C5: variants seen among roughly 807,000 people sequenced by gnomAD.
C5 encodes the protein C3 and PZP-like alpha-2-macroglobulin domain-containing protein 4.
Under a neutral mutation model 218.8 loss-of-function variants are expected in C5, and 140 were observed. The ratio of observed to expected loss-of-function variants is 0.64; its 90% CI spans 0.56 to 0.74. C5 has a LOEUF of 0.74. C5 is among the 30% of genes least tolerant of loss of function. The pLI, the probability that C5 is intolerant of heterozygous loss-of-function variation, is 0.00. For synonymous variants in C5, 614 were observed against 682.3 expected, an observed-to-expected ratio of 0.90 and a Z score of 1.56; for missense variants, 1,700 against 1,969.6, an observed-to-expected ratio of 0.86 and a Z score of 2.59.
At chr9:120,993,871 G>C (rs1405782485) in intron 22 of C5, among the ~76,000 whole-genome samples, 3 of 152,204 alleles carry the variant, frequency 2.0e-5, no homozygotes, top group African/African-American at 7.2e-5. Flanking sequence ...AAACACATTT[G>C]AGTGGGTACA....
chr9:121,063,760 A>G, the C5 span, among the ~76,000 whole-genome samples: 1 of 152,220 alleles, frequency 6.6e-6, no homozygotes, highest in East Asian at 1.9e-4. Flanking sequence ...AGCAATATCC[A>G]GAAAGGTCAT....
chr9:121,037,984 G>C, intron 3 of C5, 33 bp from the exon 4 acceptor site: 1 of 987,216 alleles, frequency 1.0e-6, no homozygotes, highest in Non-Finnish European at 1.5e-6. Context: ...CAAAAACTCT[G>C]CTAAAAACAA....
chr9:121,030,444 G>T lies in C5; in HGVS notation c.711C>A (p.Phe237Leu). The T allele has an allele frequency of 1.3e-6, 2 of 1,545,574 alleles. No individual in the cohort carries two copies. Among genetic ancestry groups the T allele is most frequent in the Non-Finnish European group, 1.8e-6 (2 of 1,141,614 alleles). ...FSVSIEPEYN[F>L]IGYKNFKNFE... Reference sequence around the variant, plus strand: ...AATTCTTAAAGTTCTTGTAACCAATGAAATTATATTCTGGCTCGATTGAGA... The same window carrying T: ...AATTCTTAAAGTTCTTGTAACCAATTAAATTATATTCTGGCTCGATTGAGA... The change falls in exon 7 of 41, where the codon TTC becomes TTA. Residue 237 changes from phenylalanine (F) to leucine (L), a missense_variant. Transcript: ENST00000223642.
At chr9:121,008,561 T>G in intron 17 of C5, 63 bp from the exon 18 acceptor site, 1 of 1,162,280 alleles carries the variant, frequency 8.6e-7, no homozygotes, top group Non-Finnish European at 1.3e-6. Context: ...TAGGTGAATT[T>G]TAAAATATGG....
intron 27 of C5, 51 bp downstream of exon 27, chr9:120,981,793 T>C (rs751578099): frequency 1.8e-5 from 22 of 1,223,740 alleles, no homozygotes; most frequent in Non-Finnish European, 2.4e-5. Flanking sequence ...CCCTCCAGTA[T>C]ATAGTACAGA....
At chr9:121,070,763 A>T in the C5 span, among the ~76,000 whole-genome samples, 1 of 152,000 alleles carries the variant, frequency 6.6e-6, no homozygotes, top group Non-Finnish European at 1.5e-5. Context: ...AGATATCTTA[A>T]AGGATACAAA....
the C5 span, among the ~76,000 whole-genome samples, chr9:121,071,181 G>A: frequency 2.0e-5 from 3 of 151,928 alleles, no homozygotes; most frequent in Admixed American, 6.6e-5. Flanking sequence ...ATAGCTGGGC[G>A]TGGAGTCACA....
At chr9:121,057,052 C>T in the C5 span, among the ~76,000 whole-genome samples, 1 of 152,126 alleles carries the variant, frequency 6.6e-6, no homozygotes, top group Admixed American at 6.5e-5. Context: ...TTAGCAGAAA[C>T]TTTACAGGCT....
At chr9:121,073,954 A>AGTGAAG in the C5 span, among the ~76,000 whole-genome samples, 1 of 152,154 alleles carries the variant, frequency 6.6e-6, no homozygotes, top group African/African-American at 2.4e-5. Flanking sequence ...TAAACTCTGT[A>AGTGAAG]GTGAAGAAAG....
intron 20 of C5, chr9:121,000,030 G>A: frequency 3.0e-6 from 1 of 327,900 alleles, no homozygotes; most frequent in Non-Finnish European, 5.9e-6. Flanking sequence ...TTGCACTCCA[G>A]CCTGGGCGAC....
chr9:121,002,396 AGC>A (rs980122982), intron 20 of C5, among the ~76,000 whole-genome samples: 10 of 148,338 alleles, frequency 6.7e-5, no homozygotes, highest in Non-Finnish European at 1.3e-4. Flanking sequence ...TGAGCAGAGG[AGC>A]CCTTGCTGAT....
intron 34 of C5, 66 bp from the exon 35 acceptor site, chr9:120,963,033 G>A: frequency 8.5e-7 from 1 of 1,177,808 alleles, no homozygotes; most frequent in South Asian, 1.2e-5. Context: ...GCATTCACCT[G>A]TTGATGAGAT....
At chr9:121,041,297 C>CTATTTT (rs2047577519) in intron 3 of C5, among the ~76,000 whole-genome samples, 1 of 72,678 alleles carries the variant, frequency 1.4e-5, no homozygotes, top group African/African-American at 5.5e-5. Flanking sequence ...TACATGAAGC[C>CTATTTT]TTTTTTTTTT....
rs1325189214 is a variant in C5, at chr9:120,976,766, A to G, written c.3798T>C (p.Tyr1266=). Residue 1266 remains tyrosine, a synonymous_variant, in exon 29 of 41, where the codon TAT becomes TAC. Coordinates refer to ENST00000223642, the MANE Select transcript of C5 (RefSeq NM_001735.3). ...LTSLNLKDIN[Y]VNPVIKWLSE... is the part of the protein sequence containing the mutation. The stretch of plus-strand genomic sequence containing the variant: ...ATAGCCATTTGATGACTGGGTTAAC[A>G]TAATTTATATCTTTCAAGTTCAGAC... 1 of 1,614,190 alleles carries G rather than the reference A, an allele frequency of 6.2e-7. No homozygotes were observed. Among genetic ancestry groups the G allele is most frequent in the Admixed American group, 1.7e-5 (1 of 60,026 alleles).
At chr9:121,067,130 T>C in the C5 span, among the ~76,000 whole-genome samples, 2 of 151,970 alleles carry the variant, frequency 1.3e-5, no homozygotes, top group East Asian at 3.9e-4. Context: ...TAGCCAGGCA[T>C]GGTAGCACAT....
At position 121,005,966 on chromosome 9, in the gene C5, T is replaced by A. The variant is rs2047212471; in HGVS notation, c.2515A>T (p.Ile839Phe). Reference protein sequence around the residue: ...IPYSVVRGEQIQLKGTVYNYR... With the variant: ...IPYSVVRGEQFQLKGTVYNYR... ...TTGTAAACAGTTCCTTTCAATTGGATCTGTTCTCCTCGTACAACAGAATAT... is the reference window on the plus strand; with the variant it reads ...TTGTAAACAGTTCCTTTCAATTGGAACTGTTCTCCTCGTACAACAGAATAT... The change falls in exon 20 of 41, where the codon ATC (isoleucine) becomes TTC (phenylalanine). Residue 839 changes from isoleucine (I) to phenylalanine (F), a missense_variant. Transcript: ENST00000223642. 1 of 1,613,324 alleles carries A rather than the reference T, an allele frequency of 6.2e-7. No individual in the cohort carries two copies. Among genetic ancestry groups the A allele is most frequent in the African/African-American group, 1.3e-5 (1 of 74,902 alleles).
Position 121,016,359 on chromosome 9 carries a change from C to G in C5, c.1891G>C (p.Asp631His). ...CCACCACCTGCCCCACAGCCCAGAT[C>G]ACTCTTCTCTAAGAATTGAAATACC... ...ERVFQFLEKS[D>H]LGCGAGGGLN... Residue 631 changes from aspartate (D) to histidine (H), a missense_variant, in exon 15 of 41, where the codon GAT becomes CAT. Coordinates refer to ENST00000223642, the MANE Select transcript of C5 (RefSeq NM_001735.3). 6.2e-7 allele frequency: 1 copy of G among 1,614,086 alleles called. No homozygotes were observed. The highest frequency in any genetic ancestry group is 8.5e-7 in the Non-Finnish European group (1 of 1,179,936).
intron 1 of C5, 75 bp from the exon 2 acceptor site, chr9:121,046,458 CACTT>C: frequency 9.9e-7 from 1 of 1,015,080 alleles, no homozygotes; most frequent in Non-Finnish European, 1.6e-6. Flanking sequence ...TTTTTTCTCT[CACTT>C]GAGAGATTCC....
chr9:121,025,805 C>T (rs576529591), intron 8 of C5: 18 of 441,846 alleles, frequency 4.1e-5, no homozygotes, highest in African/African-American at 3.4e-4. Context: ...ATCACATGGT[C>T]CAACAGGTCT....
Sources: allele counts gnomAD v4.1 joint callset (sites outside exome capture counted in the v4.1 genomes callset), GRCh38; gene constraint gnomAD v4.1.1; transcripts MANE v1.5; gene names NCBI Gene and HGNC (gene_info 2026-07-23, HGNC 2026-07-21).